The following SUGCT variants were observed in gnomAD, a reference collection of about 807,000 sequenced individuals.
SUGCT encodes succinyl-CoA:glutarate-CoA transferase, also known as succinyl-CoA:glutarate CoA-transferase.
In SUGCT, 41 loss-of-function variants were observed where a neutral mutation model predicts 55.0. The observed-to-expected ratio is 0.74, with a 90% CI of 0.58 to 0.97. The LOEUF (loss-of-function observed/expected upper bound fraction) is 0.97. SUGCT is among the 50% of genes least tolerant of loss of function. The probability of loss-of-function intolerance (pLI) is 0.00; values close to 1 mark genes in which losing one functional copy is unlikely to be tolerated. For missense variants in SUGCT, 568 were observed against 547.8 expected, an observed-to-expected ratio of 1.04 and a Z score of -0.37; for synonymous variants, 187 against 200.4, an observed-to-expected ratio of 0.93 and a Z score of 0.56.
chr7:40,157,521 G>A (rs1470620614), intron 1 of SUGCT, among the ~76,000 whole-genome samples: 1 of 152,188 alleles, frequency 6.6e-6, no homozygotes, highest in Non-Finnish European at 1.5e-5. Flanking sequence ...CAGGTTACAA[G>A]AATGAATCAA....
At chr7:40,140,873 T>C (rs901242976) in intron 1 of SUGCT, among the ~76,000 whole-genome samples, 1 of 152,228 alleles carries the variant, frequency 6.6e-6, no homozygotes, top group African/African-American at 2.4e-5. Flanking sequence ...AATTGTTTTT[T>C]CTAATTCTGT....
chr7:40,854,914 A>G (rs971962736), intron 13 of SUGCT, among the ~76,000 whole-genome samples: 2 of 152,138 alleles, frequency 1.3e-5, no homozygotes, highest in African/African-American at 4.8e-5. Flanking sequence ...CCAGCCTGGC[A>G]GACAGCACGA....
At chr7:40,299,011 A>G (rs961075597) in intron 8 of SUGCT, among the ~76,000 whole-genome samples, 5 of 152,204 alleles carry the variant, frequency 3.3e-5, no homozygotes, top group Admixed American at 3.3e-4. Context: ...TTGAAAAGGA[A>G]CAAAAAGGCT....
At position 40,429,329 on chromosome 7, in the gene SUGCT, G is replaced by C. The variant is rs117233937; in HGVS notation, c.817-19958G>C. ...TCCCATGCATGGTGTATTAGTCAGG[G>C]TTCTCTAGAGGGACATAACTAATAG... On this transcript the variant is annotated intron_variant, in intron 9 of 13. Coordinates refer to ENST00000335693, the MANE Select transcript of SUGCT (RefSeq NM_001193313.2). Among the ~76,000 whole-genome samples, 506 of 152,188 alleles carry C rather than the reference G, an allele frequency of 3.3e-3. 3 individuals carry two copies. The highest frequency in any genetic ancestry group is 5.8e-3 in the Non-Finnish European group (392 of 68,020).
chr7:40,443,701 T>G (rs1306983416), intron 9 of SUGCT, among the ~76,000 whole-genome samples: 2 of 152,234 alleles, frequency 1.3e-5, no homozygotes, highest in African/African-American at 4.8e-5. Flanking sequence ...TAGTTTCTTT[T>G]GCTGTGCAGA....
At chr7:40,885,237 C>T in the SUGCT span, among the ~76,000 whole-genome samples, 8 of 152,100 alleles carry the variant, frequency 5.3e-5, no homozygotes, top group African/African-American at 1.4e-4. Flanking sequence ...TATGATTCAA[C>T]GGTCCTCCAA....
At chr7:40,537,051 C>T (rs1340161009) in intron 12 of SUGCT, among the ~76,000 whole-genome samples, 2 of 152,128 alleles carry the variant, frequency 1.3e-5, no homozygotes, top group Non-Finnish European at 1.5e-5. Context: ...TGTTGATTCA[C>T]ACCATTGCAA....
intron 9 of SUGCT, among the ~76,000 whole-genome samples, chr7:40,383,617 A>G (rs1784976960): frequency 6.6e-6 from 1 of 152,230 alleles, no homozygotes; most frequent in African/African-American, 2.4e-5. Flanking sequence ...AGAGAGTAAC[A>G]TGATAGATGT....
chr7:40,803,205 G>T (rs1790911784), intron 13 of SUGCT, among the ~76,000 whole-genome samples: 1 of 152,082 alleles, frequency 6.6e-6, no homozygotes, highest in Admixed American at 6.5e-5. Context: ...CTTGTCTTAT[G>T]CAATGTAATA....
intron 7 of SUGCT, among the ~76,000 whole-genome samples, chr7:40,257,584 G>A (rs977168330): frequency 6.6e-6 from 1 of 152,114 alleles, no homozygotes; most frequent in South Asian, 2.1e-4. Context: ...AGGTTAAAAA[G>A]AAAATTTAAG....
At chr7:40,606,825 G>T (rs1247789086) in intron 12 of SUGCT, among the ~76,000 whole-genome samples, 2 of 152,126 alleles carry the variant, frequency 1.3e-5, no homozygotes, top group Non-Finnish European at 2.9e-5. Context: ...TTAAGTTAAA[G>T]GATTAAGTTA....
chr7:40,682,263 T>G lies in SUGCT; in HGVS notation c.1090-67171T>G, dbSNP rs144965169. On this transcript the variant is annotated intron_variant, in intron 12 of 13. Transcript: ENST00000335693. The stretch of plus-strand genomic sequence containing the variant: ...TCTCCCATTCCCCACCCTATACATC[T>G]CTTTCATCTGGCTGCTCATTTGTAT... Among the ~76,000 whole-genome samples, 1,152 of 152,266 alleles carry G rather than the reference T, an allele frequency of 7.6e-3. 13 individuals carry two copies. Among genetic ancestry groups the G allele is most frequent in the African/African-American group, 0.026 (1,072 of 41,564 alleles).
At chr7:40,469,944 C>CTA (rs1462590150) in intron 11 of SUGCT, among the ~76,000 whole-genome samples, 1 of 152,134 alleles carries the variant, frequency 6.6e-6, no homozygotes, top group Non-Finnish European at 1.5e-5. Flanking sequence ...GAGTCCTAAA[C>CTA]ACTTGGGGAG....
chr7:40,761,207 GC>G (rs1362755679), intron 13 of SUGCT, among the ~76,000 whole-genome samples: 2 of 152,198 alleles, frequency 1.3e-5, no homozygotes, highest in African/African-American at 4.8e-5. Context: ...AGATCCTGAG[GC>G]TGCCACTGCC....
intron 9 of SUGCT, among the ~76,000 whole-genome samples, chr7:40,379,732 G>T (rs771013572): frequency 4.6e-5 from 7 of 152,108 alleles, no homozygotes; most frequent in Non-Finnish European, 1.0e-4. Flanking sequence ...TGACTCTTCT[G>T]CCTTAGTCTT....
the SUGCT span, among the ~76,000 whole-genome samples, chr7:40,974,311 T>G: frequency 6.6e-6 from 1 of 152,150 alleles, no homozygotes; most frequent in Admixed American, 6.5e-5. Context: ...AACCCTCCAA[T>G]GTGACTATAC....
chr7:40,213,396 G>GTTGATGGCT (rs1469329463), intron 6 of SUGCT, among the ~76,000 whole-genome samples: 2 of 152,192 alleles, frequency 1.3e-5, no homozygotes. Flanking sequence ...TAGGAACTGA[G>GTTGATGGCT]TTGATGGCTT....
chr7:40,517,770 G>A (rs923093025), intron 12 of SUGCT, among the ~76,000 whole-genome samples: 12 of 152,034 alleles, frequency 7.9e-5, no homozygotes, highest in Non-Finnish European at 1.3e-4. Flanking sequence ...ACCACTTATG[G>A]TTGATTTGCT....
chr7:41,019,943 C>G, the SUGCT span, among the ~76,000 whole-genome samples: 1 of 152,154 alleles, frequency 6.6e-6, no homozygotes, highest in Admixed American at 6.5e-5. Flanking sequence ...AATGTAATTC[C>G]TAGCTGGCTG....
Sources: allele counts gnomAD v4.1 joint callset (sites outside exome capture counted in the v4.1 genomes callset), GRCh38; gene constraint gnomAD v4.1.1; transcripts MANE v1.5; gene names NCBI Gene and HGNC (gene_info 2026-07-23, HGNC 2026-07-21).